Variants in MND1 observed in about 807,000 individuals in gnomAD.
The protein encoded by MND1 is meiotic nuclear divisions 1.
In MND1, 28 loss-of-function variants were observed where a neutral mutation model predicts 35.1. That is an observed-to-expected ratio of 0.80 (90% confidence interval 0.59 to 1.09). The LOEUF (loss-of-function observed/expected upper bound fraction) is 1.09, where lower values mean the gene tolerates loss of function less well. Among genes scored for constraint, MND1 ranks in the 50% least tolerant of loss-of-function variants. The pLI is 0.00. For synonymous variants in MND1, 69 were observed against 70.5 expected (o/e 0.98, Z 0.11); for missense variants, 213 against 239.6 (o/e 0.89, Z 0.73).
chr4:153,407,309 C>A (rs1413409331), intron 6 of MND1, among the ~76,000 whole-genome samples: 1 of 151,984 alleles, frequency 6.6e-6, no homozygotes, highest in African/African-American at 2.4e-5. Context: ...ACTAAAAATA[C>A]AAAATTAGCT....
intron 4 of MND1, among the ~76,000 whole-genome samples, chr4:153,390,911 G>GTA (rs1277620599): frequency 7.5e-6 from 1 of 133,858 alleles, no homozygotes; most frequent in African/African-American, 3.2e-5. Flanking sequence ...GTGTGTGTGT[G>GTA]TGTGTATATG....
chr4:153,389,331 A>C (rs77921423), intron 4 of MND1, among the ~76,000 whole-genome samples: 2 of 152,112 alleles, frequency 1.3e-5, no homozygotes, highest in Admixed American at 6.5e-5. Context: ...CTTTAAGGGA[A>C]TATTATGGTA....
At chr4:153,377,777 C>T (rs1728552349) in intron 4 of MND1, among the ~76,000 whole-genome samples, 2 of 152,198 alleles carry the variant, frequency 1.3e-5, no homozygotes, top group South Asian at 2.1e-4. Context: ...TAGACCTAGA[C>T]TCCCTAGATT....
At chr4:153,410,612 C>G (rs1729654891) in intron 7 of MND1, among the ~76,000 whole-genome samples, 1 of 152,018 alleles carries the variant, frequency 6.6e-6, no homozygotes, top group African/African-American at 2.4e-5. Context: ...AAATTGCAGT[C>G]TTACTTATCA....
intron 4 of MND1, among the ~76,000 whole-genome samples, chr4:153,362,314 A>C (rs187582404): frequency 8.5e-5 from 13 of 152,188 alleles, no homozygotes; most frequent in African/African-American, 3.1e-4. Flanking sequence ...AAGTGATTGG[A>C]TCTTGGGGGC....
intron 4 of MND1, among the ~76,000 whole-genome samples, chr4:153,370,918 G>T (rs765499526): frequency 1.3e-5 from 2 of 151,990 alleles, no homozygotes; most frequent in Non-Finnish European, 2.9e-5. Context: ...GGCAGTTATA[G>T]CCTTACTGAA....
At chr4:153,391,288 C>T (rs1455024856) in intron 4 of MND1, among the ~76,000 whole-genome samples, 2 of 151,908 alleles carry the variant, frequency 1.3e-5, no homozygotes, top group African/African-American at 2.4e-5. Context: ...CTCAGCCTCT[C>T]GAGTAGCTGG....
At chr4:153,354,029 C>T (rs1773283412) in intron 2 of MND1, among the ~76,000 whole-genome samples, 1 of 152,134 alleles carries the variant, frequency 6.6e-6, no homozygotes, top group Non-Finnish European at 1.5e-5. Context: ...CACAGTATTT[C>T]TTTTCTAATT....
chr4:153,376,998 G>A (rs951104832), intron 4 of MND1, among the ~76,000 whole-genome samples: 5 of 152,168 alleles, frequency 3.3e-5, no homozygotes, highest in African/African-American at 1.2e-4. Context: ...ATGGCAGCAA[G>A]TCTATGTAGT....
intron 4 of MND1, chr4:153,381,644 T>A (rs1178846524): frequency 8.1e-6 from 1 of 123,100 alleles, no homozygotes; most frequent in Non-Finnish European, 1.6e-5. Context: ...CTCTGGCTGC[T>A]ATATATATAA....
intron 4 of MND1, 99 bp downstream of exon 4, chr4:153,358,721 A>AT: frequency 8.5e-7 from 1 of 1,181,184 alleles, no homozygotes; most frequent in Non-Finnish European, 1.2e-6. Context: ...AATTTTTGAT[A>AT]TGCATTATTT....
chr4:153,393,289 CTT>C (rs1466382555), intron 4 of MND1, among the ~76,000 whole-genome samples: 2 of 150,796 alleles, frequency 1.3e-5, no homozygotes, highest in Admixed American at 6.6e-5. Flanking sequence ...TTTGAAAAGA[CTT>C]TAGTCAGAAG....
intron 4 of MND1, among the ~76,000 whole-genome samples, chr4:153,374,188 C>T (rs1305672119): frequency 1.3e-5 from 2 of 152,174 alleles, no homozygotes; most frequent in Non-Finnish European, 2.9e-5. Flanking sequence ...TATATGGTGG[C>T]CGCAGATCAG....
intron 6 of MND1, among the ~76,000 whole-genome samples, chr4:153,400,565 A>T (rs1041357969): frequency 2.0e-5 from 3 of 152,072 alleles, no homozygotes; most frequent in African/African-American, 7.2e-5. Context: ...CATGCGCTTT[A>T]TTCAAGTTTT....
chr4:153,344,685 C>T (rs1773024302), upstream of MND1: 18 of 1,534,240 alleles, frequency 1.2e-5, no homozygotes, highest in South Asian at 1.8e-4. Flanking sequence ...TGGCCTGTCC[C>T]GCCCCTCTCC....
At chr4:153,376,505 T>A (rs1393925780) in intron 4 of MND1, among the ~76,000 whole-genome samples, 14 of 152,172 alleles carry the variant, frequency 9.2e-5, no homozygotes, top group Non-Finnish European at 1.5e-4. Flanking sequence ...CCATTTTACT[T>A]TGGCTTGTGT....
chr4:153,360,458 C>T (rs1226396762), intron 4 of MND1, among the ~76,000 whole-genome samples: 3 of 151,898 alleles, frequency 2.0e-5, no homozygotes, highest in Non-Finnish European at 4.4e-5. Context: ...TTGCATTTTA[C>T]ACTTAGATTT....
intron 7 of MND1, among the ~76,000 whole-genome samples, chr4:153,411,169 C>T (rs957342018): frequency 3.3e-5 from 5 of 151,926 alleles, no homozygotes; most frequent in African/African-American, 1.2e-4. Context: ...TCATATGAAA[C>T]CTTGCTTAAT....
Position 153,397,258 on chromosome 4 carries a change from C to A in MND1, c.391C>A (p.Arg131=). 1 of 1,612,138 alleles carries A rather than the reference C, an allele frequency of 6.2e-7. No homozygotes were observed. Among genetic ancestry groups the A allele is most frequent in the Non-Finnish European group, 8.5e-7 (1 of 1,178,920 alleles). ...GCTAGCAAAAGAGCTTTCTTCACTT[C>A]GAGACCAAAGGGAACAGCTAAAGGC... The part of the protein sequence containing the change: ...TRLAKELSSL[R]DQREQLKAEV... The change falls in exon 6 of 8, where the codon CGA becomes AGA. Residue 131 remains arginine, a synonymous_variant. Transcript: ENST00000240488.
Sources: allele counts gnomAD v4.1 joint callset (sites outside exome capture counted in the v4.1 genomes callset), GRCh38; gene constraint gnomAD v4.1.1; transcripts MANE v1.5; gene names NCBI Gene and HGNC (gene_info 2026-07-23, HGNC 2026-07-21).